The following LRP1B variants were observed in gnomAD, a reference collection of about 807,000 sequenced individuals.
LRP1B encodes the protein LDL receptor related protein 1B.
In LRP1B, 217 loss-of-function variants were observed where a neutral mutation model predicts 556.6. The ratio of observed to expected loss-of-function variants is 0.39; its 90% CI spans 0.35 to 0.44. LRP1B has a LOEUF of 0.44. Among genes scored for constraint, LRP1B ranks in the 20% least tolerant of loss-of-function variants. The probability of loss-of-function intolerance (pLI) is 1.00; values close to 1 mark genes in which losing one functional copy is unlikely to be tolerated. For synonymous variants in LRP1B, 2,047 were observed against 1,865.8 expected, an observed-to-expected ratio of 1.10 and a Z score of -2.50; for missense variants, 5,053 against 5,620.8, an observed-to-expected ratio of 0.90 and a Z score of 3.23.
At chr2:141,856,375 G>A (rs912592600) in intron 1 of LRP1B, among the ~76,000 whole-genome samples, 3 of 152,124 alleles carry the variant, frequency 2.0e-5, no homozygotes, top group Admixed American at 6.6e-5. Context: ...GCAAGAGCTT[G>A]TCTAAGCTAT....
At chr2:140,853,285 C>A (rs1376077688) in intron 27 of LRP1B, among the ~76,000 whole-genome samples, 2 of 152,106 alleles carry the variant, frequency 1.3e-5, no homozygotes, top group Admixed American at 6.5e-5. Flanking sequence ...GAACAACAGG[C>A]CTTGCTAAGT....
chr2:140,594,503 G>T (rs1682355460), intron 43 of LRP1B, among the ~76,000 whole-genome samples: 1 of 152,136 alleles, frequency 6.6e-6, no homozygotes, highest in Non-Finnish European at 1.5e-5. Flanking sequence ...TTTTCCAACA[G>T]GCTTTGGAAG....
intron 21 of LRP1B, among the ~76,000 whole-genome samples, chr2:140,913,394 G>A (rs1201858600): frequency 6.6e-6 from 1 of 151,766 alleles, no homozygotes; most frequent in Non-Finnish European, 1.5e-5. Context: ...TCAAGGAGGT[G>A]GAAAATATGT....
chr2:141,431,689 A>G (rs1175593805), intron 3 of LRP1B, among the ~76,000 whole-genome samples: 1 of 152,132 alleles, frequency 6.6e-6, no homozygotes, highest in Admixed American at 6.6e-5. Flanking sequence ...TATGTTTCTC[A>G]TATCTTTTAT....
At chr2:140,648,718 T>C (rs552228390) in intron 41 of LRP1B, among the ~76,000 whole-genome samples, 8 of 152,228 alleles carry the variant, frequency 5.3e-5, no homozygotes, top group Non-Finnish European at 1.0e-4. Flanking sequence ...AGAAAGCCAG[T>C]GGGCTTCAAG....
intron 6 of LRP1B, among the ~76,000 whole-genome samples, chr2:141,202,882 C>A (rs571633255): frequency 6.6e-6 from 1 of 152,124 alleles, no homozygotes; most frequent in African/African-American, 2.4e-5. Context: ...CTCCCCTAAC[C>A]CCCACCCCCC....
intron 1 of LRP1B, among the ~76,000 whole-genome samples, chr2:141,891,832 A>G (rs1699302922): frequency 6.6e-6 from 1 of 152,116 alleles, no homozygotes; most frequent in African/African-American, 2.4e-5. Flanking sequence ...GAAAACTTTC[A>G]GTTTCTTATC....
intron 2 of LRP1B, among the ~76,000 whole-genome samples, chr2:141,774,107 A>C (rs1264007988): frequency 6.6e-6 from 1 of 152,228 alleles, no homozygotes; most frequent in East Asian, 1.9e-4. Flanking sequence ...TCACAATTAA[A>C]ATCACATTTT....
At chr2:141,086,326 A>T (rs1700045806) in intron 7 of LRP1B, among the ~76,000 whole-genome samples, 1 of 152,226 alleles carries the variant, frequency 6.6e-6, no homozygotes, top group African/African-American at 2.4e-5. Context: ...TATTGAAAGC[A>T]TTATTTCCTA....
chr2:140,256,892 A>G (rs1681719986), intron 86 of LRP1B, among the ~76,000 whole-genome samples: 1 of 151,872 alleles, frequency 6.6e-6, no homozygotes, highest in Non-Finnish European at 1.5e-5. Context: ...TCGGCTGATA[A>G]ATAATATTAT....
intron 25 of LRP1B, among the ~76,000 whole-genome samples, chr2:140,881,083 A>T (rs1385368546): frequency 4.6e-5 from 7 of 152,180 alleles, no homozygotes; most frequent in African/African-American, 1.7e-4. Flanking sequence ...AATTACTTTG[A>T]AGCTCATATC....
chr2:140,636,995 A>T (rs867297190), intron 41 of LRP1B, among the ~76,000 whole-genome samples: 2 of 152,328 alleles, frequency 1.3e-5, no homozygotes, highest in Middle Eastern at 6.8e-3. Context: ...AATAAGAAAT[A>T]AACTTTGAAT....
chr2:141,005,630 T>G (rs577120398), intron 14 of LRP1B, among the ~76,000 whole-genome samples, 173 bp from the exon 15 acceptor site: 1 of 152,080 alleles, frequency 6.6e-6, no homozygotes, highest in East Asian at 1.9e-4. Context: ...TGAAAATAGG[T>G]GGTGCATTGG....
chr2:141,101,631 A>G (rs1700463806), intron 7 of LRP1B, among the ~76,000 whole-genome samples: 1 of 152,190 alleles, frequency 6.6e-6, no homozygotes, highest in African/African-American at 2.4e-5. Context: ...TGAGTGAAAT[A>G]TGAGTGCACA....
At chr2:141,292,502 G>C (rs901428603) in intron 3 of LRP1B, among the ~76,000 whole-genome samples, 4 of 152,070 alleles carry the variant, frequency 2.6e-5, no homozygotes, top group African/African-American at 9.7e-5. Flanking sequence ...GAAAAGCAAG[G>C]AAAAGAAAGG....
chr2:140,890,425 CAT>C (rs903074333), intron 23 of LRP1B, among the ~76,000 whole-genome samples: 16 of 152,238 alleles, frequency 1.1e-4, no homozygotes, highest in East Asian at 3.9e-4. Context: ...ATTAAAAGCA[CAT>C]GTTTTCTTTG....
intron 83 of LRP1B, among the ~76,000 whole-genome samples, chr2:140,311,462 G>A (rs1448726635): frequency 2.6e-5 from 4 of 151,732 alleles, no homozygotes; most frequent in Non-Finnish European, 5.9e-5. Flanking sequence ...CTTATAAATA[G>A]GAGCCAAATC....
chr2:141,559,046 T>C (rs1574078735), intron 2 of LRP1B, among the ~76,000 whole-genome samples: 1 of 151,554 alleles, frequency 6.6e-6, no homozygotes, highest in African/African-American at 2.4e-5. Flanking sequence ...GAAAAAACGA[T>C]TGCTAAAATT....
At chr2:140,509,871 T>C (rs934721447) in intron 52 of LRP1B, 57 bp downstream of exon 52, 133 of 1,573,250 alleles carry the variant, frequency 8.5e-5, no homozygotes, top group Non-Finnish European at 1.1e-4. Flanking sequence ...CAAAAACAAA[T>C]AACCAAGGAT....
Sources: allele counts gnomAD v4.1 joint callset (sites outside exome capture counted in the v4.1 genomes callset), GRCh38; gene constraint gnomAD v4.1.1; transcripts MANE v1.5; gene names NCBI Gene and HGNC (gene_info 2026-07-23, HGNC 2026-07-21).